EHBP1: variants seen among roughly 807,000 people sequenced by gnomAD.
EHBP1 encodes the protein EH domain binding protein 1.
Under a neutral mutation model 144.0 loss-of-function variants are expected in EHBP1, and 55 were observed. The observed-to-expected ratio is 0.38, with a 90% CI of 0.31 to 0.48. EHBP1 has a LOEUF of 0.48. Among genes scored for constraint, EHBP1 ranks in the 20% least tolerant of loss-of-function variants. The pLI is 0.98. For synonymous variants in EHBP1, 469 were observed against 472.7 expected, an observed-to-expected ratio of 0.99 and a Z score of 0.10; for missense variants, 1,200 against 1,364.2, an observed-to-expected ratio of 0.88 and a Z score of 1.90.
chr2:62,677,472 G>A (rs1040999221), intron 1 of EHBP1, among the ~76,000 whole-genome samples: 18 of 152,028 alleles, frequency 1.2e-4, no homozygotes, highest in Admixed American at 8.5e-4. Flanking sequence ...ACCGCCTCAA[G>A]CATTTATCCT....
At position 63,021,350 on chromosome 2, in the gene EHBP1, AT is replaced by A. The variant is rs544228169; in HGVS notation, c.3104-16184del. 8.1e-4 allele frequency among the ~76,000 whole-genome samples: 124 copies of A among 152,240 alleles called. 1 individual carries two copies. The South Asian group carries it at 9.5e-3, about 12-fold the overall frequency. On this transcript the variant is annotated intron_variant, in intron 19 of 22. Transcript: ENST00000431489. ...TGTTGTTTTTCAACCCTTAGGTTATATGTAAAAAGTAACTTTAATGAATGTT... is the reference window on the plus strand; with the variant it reads ...TGTTGTTTTTCAACCCTTAGGTTATAGTAAAAAGTAACTTTAATGAATGTT...
At chr2:62,979,486 G>C (rs1252131584) in intron 15 of EHBP1, 151 bp downstream of exon 15, 1 of 819,306 alleles carries the variant, frequency 1.2e-6, no homozygotes, top group Non-Finnish European at 1.8e-6. Flanking sequence ...AGGAAGCATA[G>C]TAAATTAGAA....
chr2:62,738,541 A>G (rs186783300), intron 2 of EHBP1, among the ~76,000 whole-genome samples: 121 of 152,274 alleles, frequency 7.9e-4, no homozygotes, highest in Non-Finnish European at 1.6e-3. Flanking sequence ...GGAGGCCACA[A>G]GTGTCCTGCT....
At chr2:63,020,148 G>T (rs912847433) in intron 19 of EHBP1, among the ~76,000 whole-genome samples, 4 of 151,748 alleles carry the variant, frequency 2.6e-5, no homozygotes, top group Admixed American at 2.6e-4. Context: ...ACATGGTGAA[G>T]CCCATCTGTA....
chr2:62,823,411 A>T (rs1213937895), intron 5 of EHBP1, among the ~76,000 whole-genome samples: 1 of 151,986 alleles, frequency 6.6e-6, no homozygotes, highest in African/African-American at 2.4e-5. Flanking sequence ...TCCAACCCAC[A>T]TGTGATCTGA....
At chr2:62,905,879 A>G (rs1359184190) in intron 10 of EHBP1, among the ~76,000 whole-genome samples, 2 of 152,168 alleles carry the variant, frequency 1.3e-5, no homozygotes, top group Non-Finnish European at 2.9e-5. Flanking sequence ...GAGTAAAAGC[A>G]GGAGAGAATA....
intron 2 of EHBP1, among the ~76,000 whole-genome samples, chr2:62,714,912 A>G (rs1476769720): frequency 6.6e-6 from 1 of 152,212 alleles, no homozygotes; most frequent in African/African-American, 2.4e-5. Context: ...GAGAGGAACT[A>G]CATATTTTTG....
chr2:63,026,673 T>C (rs945054844), intron 19 of EHBP1, among the ~76,000 whole-genome samples: 4 of 152,168 alleles, frequency 2.6e-5, no homozygotes, highest in African/African-American at 9.7e-5. Flanking sequence ...ATTGCCTCAA[T>C]TGGAATCACA....
chr2:62,990,777 G>C lies in EHBP1; in HGVS notation c.2670G>C (p.Val890=). ...AGCTCCTAGAAGTTCAGCCACAGGTGGCAAATTCACCCTCCAGTGCTGCCC... is the reference window on the plus strand; with the variant it reads ...AGCTCCTAGAAGTTCAGCCACAGGTCGCAAATTCACCCTCCAGTGCTGCCC... ...LKKLLEVQPQ[V]ANSPSSAAQK... Residue 890 remains valine (V), a synonymous_variant, in exon 16 of 23, where the codon GTG becomes GTC. Coordinates refer to ENST00000431489, the MANE Select transcript of EHBP1 (RefSeq NM_001142616.3). The C allele has an allele frequency of 6.2e-7, 1 of 1,613,896 alleles. No homozygotes were observed. The highest frequency in any genetic ancestry group is 1.6e-4 in the Middle Eastern group (1 of 6,062).
intron 2 of EHBP1, among the ~76,000 whole-genome samples, chr2:62,729,012 T>C (rs1050760531): frequency 6.6e-6 from 1 of 151,948 alleles, no homozygotes; most frequent in African/African-American, 2.4e-5. Flanking sequence ...TTGTCTAGTC[T>C]GGTTATTTTC....
chr2:63,044,868 G>A (rs2061875411), intron 21 of EHBP1, 198 bp from the exon 22 acceptor site: 3 of 525,468 alleles, frequency 5.7e-6, no homozygotes, highest in Non-Finnish European at 1.0e-5. Context: ...TCCATTCACA[G>A]GACCTGTTTA....
Position 62,808,338 on chromosome 2 carries a change from T to C in EHBP1, c.313-17749T>C, listed in dbSNP as rs180906228. On this transcript the variant is annotated intron_variant, in intron 5 of 22. Transcript: ENST00000431489. ...TTCCAGTCTTTTTTCTCTTTGCTTT[T>C]CATCTTTGAAGGTTTCTATTGTGCT... Among the ~76,000 whole-genome samples, 276 of 152,146 alleles carry C rather than the reference T, an allele frequency of 1.8e-3. 1 individual carries two copies. Among genetic ancestry groups the C allele is most frequent in the Admixed American group, 4.1e-3 (63 of 15,296 alleles).
intron 1 of EHBP1, 43 bp from the exon 2 acceptor site, chr2:62,706,850 TTCTC>T (rs1181551064): frequency 9.0e-6 from 2 of 221,786 alleles, no homozygotes; most frequent in Non-Finnish European, 1.8e-5. Context: ...TTTCTCATGA[TTCTC>T]TCCTCATATT....
At chr2:62,926,811 A>G (rs1257565441) in intron 10 of EHBP1, among the ~76,000 whole-genome samples, 1 of 152,156 alleles carries the variant, frequency 6.6e-6, no homozygotes, top group African/African-American at 2.4e-5. Context: ...TAGAACTACC[A>G]TATGATCCAG....
At chr2:62,689,378 C>T (rs909208608) in intron 1 of EHBP1, among the ~76,000 whole-genome samples, 2 of 152,188 alleles carry the variant, frequency 1.3e-5, no homozygotes, top group African/African-American at 2.4e-5. Context: ...TGTGGTGGCT[C>T]ACGCCTGTAA....
At chr2:63,039,304 A>G (rs545386683) in intron 21 of EHBP1, among the ~76,000 whole-genome samples, 10 of 152,094 alleles carry the variant, frequency 6.6e-5, no homozygotes, top group South Asian at 2.1e-4. Flanking sequence ...ATTGGCATAA[A>G]AGATAAATGA....
chr2:62,721,755 T>A (rs1273077280), intron 2 of EHBP1, among the ~76,000 whole-genome samples: 1 of 152,204 alleles, frequency 6.6e-6, no homozygotes. Flanking sequence ...TATTCCTCAT[T>A]TATTTATTCA....
chr2:62,959,911 G>A (rs1253815640), intron 14 of EHBP1, among the ~76,000 whole-genome samples: 2 of 152,108 alleles, frequency 1.3e-5, no homozygotes, highest in African/African-American at 4.8e-5. Flanking sequence ...TTTAATAATT[G>A]CTGTTGTAGT....
intron 19 of EHBP1, among the ~76,000 whole-genome samples, chr2:62,997,818 G>T (rs942571573): frequency 6.6e-6 from 1 of 152,008 alleles, no homozygotes; most frequent in African/African-American, 2.4e-5. Context: ...GCTTTATCTG[G>T]GACAGTGGGT....
Sources: gnomAD v4.1 joint callset for allele counts (sites outside exome capture counted in the v4.1 genomes callset) on GRCh38, gnomAD v4.1.1 for gene constraint, MANE v1.5 for transcripts, NCBI Gene and HGNC (gene_info 2026-07-23, HGNC 2026-07-21) for gene names.